Variants in FBN2 observed in about 807,000 individuals in gnomAD.
FBN2 encodes fibrillin-2.
Under a neutral mutation model 355.6 loss-of-function variants are expected in FBN2, and 105 were observed. That is an observed-to-expected ratio of 0.30 (90% CI 0.25 to 0.35). The LOEUF is 0.35. FBN2 is among the 10% of genes least tolerant of loss of function. The pLI, the probability that FBN2 is intolerant of heterozygous loss-of-function variation, is 1.00. For missense variants in FBN2, 3,280 were observed against 3,758.7 expected (o/e 0.87, Z 3.33); for synonymous variants, 1,350 against 1,301.2 (o/e 1.04, Z -0.81).
chr5:128,421,556 A>T (rs1753350577), intron 7 of FBN2, among the ~76,000 whole-genome samples: 1 of 152,200 alleles, frequency 6.6e-6, no homozygotes, highest in South Asian at 2.1e-4. Context: ...TTGACTGTCT[A>T]GAGTAAGTCT....
At chr5:128,463,530 T>C (rs1754614860) in intron 6 of FBN2, among the ~76,000 whole-genome samples, 1 of 152,194 alleles carries the variant, frequency 6.6e-6, no homozygotes, top group African/African-American at 2.4e-5. Context: ...AAAATGATTT[T>C]AGAAATAGAC....
In FBN2 at chr5:128,259,532, C is replaced by T; in HGVS notation, c.8662G>A (p.Glu2888Lys). ...AGGAGGTAGTCATCCTCATTGCTCT[C>T]TTCCAGTTTCTTAAGCTCCTTCTTC... is the stretch of plus-strand genomic sequence containing the variant. ...YKKKELKKLEESNEDDYLLGE... is the reference protein window; with the variant it reads ...YKKKELKKLEKSNEDDYLLGE... Residue 2888 changes from glutamate (E) to lysine (K), a missense_variant, in exon 65 of 65, where the codon GAG becomes AAG. By Grantham distance (56) the Glu-to-Lys change is moderately conservative. Transcript: ENST00000262464. The T allele has an allele frequency of 6.2e-7, 1 of 1,614,080 alleles. No homozygotes were observed. Among genetic ancestry groups the T allele is most frequent in the Non-Finnish European group, 8.5e-7 (1 of 1,180,012 alleles).
At chr5:128,363,416 C>T (rs1241527670) in intron 18 of FBN2, among the ~76,000 whole-genome samples, 1 of 152,118 alleles carries the variant, frequency 6.6e-6, no homozygotes, top group Non-Finnish European at 1.5e-5. Flanking sequence ...TCTCAAACTC[C>T]TAACCTCAGG....
chr5:128,350,525 TG>T (rs1751323285), intron 21 of FBN2, among the ~76,000 whole-genome samples: 1 of 152,196 alleles, frequency 6.6e-6, no homozygotes, highest in African/African-American at 2.4e-5. Flanking sequence ...CACTCCAGCC[TG>T]GTGACAGAGC....
At chr5:128,474,821 G>A (rs1017976350) in intron 5 of FBN2, among the ~76,000 whole-genome samples, 4 of 152,168 alleles carry the variant, frequency 2.6e-5, no homozygotes, top group African/African-American at 9.7e-5. Flanking sequence ...CTAAGCAACT[G>A]TGCTGAGATT....
chr5:128,486,288 C>T (rs571763362), intron 5 of FBN2, among the ~76,000 whole-genome samples: 1 of 152,188 alleles, frequency 6.6e-6, no homozygotes, highest in South Asian at 2.1e-4. Context: ...TAATGACATC[C>T]CATGCCACTG....
chr5:128,376,927 C>T (rs553671796), intron 13 of FBN2, 74 bp from the exon 14 acceptor site: 6 of 1,580,388 alleles, frequency 3.8e-6, no homozygotes, highest in East Asian at 2.2e-5. Flanking sequence ...ATAAACAACC[C>T]CCAGTCAAAT....
At chr5:128,362,004 AT>A (rs1751651816) in intron 18 of FBN2, among the ~76,000 whole-genome samples, 156 bp from the exon 19 acceptor site, 2 of 152,188 alleles carry the variant, frequency 1.3e-5, no homozygotes, top group Non-Finnish European at 2.9e-5. Context: ...AGCAAAATAT[AT>A]TTAGTTTTAT....
intron 34 of FBN2, among the ~76,000 whole-genome samples, chr5:128,327,788 G>A (rs540488686): frequency 6.6e-6 from 1 of 152,192 alleles, no homozygotes; most frequent in African/African-American, 2.4e-5. Flanking sequence ...ACAGGCATGA[G>A]CCACCATACC....
At chr5:128,503,604 CCT>C (rs1288854751) in intron 5 of FBN2, among the ~76,000 whole-genome samples, 1 of 152,058 alleles carries the variant, frequency 6.6e-6, no homozygotes, top group African/African-American at 2.4e-5. Context: ...GCATTTTGCC[CCT>C]GTCCTAGAGG....
chr5:128,276,061 T>G lies in FBN2; in HGVS notation c.7571A>C (p.Gln2524Pro). ...QCSCPRGYVLQEDGKTCKDLD... is the reference protein window; with the variant it reads ...QCSCPRGYVLPEDGKTCKDLD... Reference sequence around the variant, plus strand: ...ACCTTTGCATGTCTTTCCATCCTCTTGCAGGACATACCCCCTCGGACATGA... The same window carrying G: ...ACCTTTGCATGTCTTTCCATCCTCTGGCAGGACATACCCCCTCGGACATGA... Residue 2524 changes from glutamine to proline, a missense_variant, in exon 59 of 65, where the codon CAA (glutamine) becomes CCA (proline). Physicochemically the swap from Gln to Pro is moderately conservative, Grantham distance 76. Transcript: ENST00000262464. 4 of 1,613,870 alleles carry G rather than the reference T, an allele frequency of 2.5e-6. No individual in the cohort carries two copies. Among genetic ancestry groups the G allele is most frequent in the Non-Finnish European group, 3.4e-6 (4 of 1,179,792 alleles).
Position 128,350,891 on chromosome 5 carries a change from C to G in FBN2, c.2789G>C (p.Ser930Thr). 6.2e-7 allele frequency: 1 copy of G among 1,614,172 alleles called. No homozygotes were observed. The highest frequency in any genetic ancestry group is 1.1e-5 in the South Asian group (1 of 91,080). The change falls in exon 21 of 65, where the codon AGC (serine) becomes ACC (threonine). Residue 930 changes from serine (S) to threonine (T), a missense_variant. Physicochemically the swap from Ser to Thr is moderately conservative, Grantham distance 58 (BLOSUM62 1). Around this residue, in one of 6 missense-constraint regions of FBN2, gnomAD observed 2,284 missense variants for 2,749.5 expected, o/e 0.83. Transcript: ENST00000262464. ...ACCTAGTTCACACCGCTCACAGGGG[C>G]TCCCCCAGGCGGCTCCGAGGGTGGC... Reference protein sequence around the residue: ...CCATLGAAWGSPCERCELDTA... With the variant: ...CCATLGAAWGTPCERCELDTA...
intron 35 of FBN2, among the ~76,000 whole-genome samples, 159 bp from the exon 36 acceptor site, chr5:128,318,430 C>T (rs1750271135): frequency 6.6e-6 from 1 of 152,050 alleles, no homozygotes; most frequent in Admixed American, 6.6e-5. Flanking sequence ...TTGGTATATA[C>T]CTAAAACAGG....
intron 27 of FBN2, 148 bp from the exon 28 acceptor site, chr5:128,336,261 G>A: frequency 2.5e-6 from 2 of 803,110 alleles, no homozygotes; most frequent in Non-Finnish European, 2.1e-6. Context: ...GAAAGAAAAT[G>A]CTGGATTCTC....
Position 128,306,648 on chromosome 5 carries a change from A to G in FBN2, c.5422+487T>C, listed in dbSNP as rs373157556. ...AAAAAAAAAAATTATATTGCTTATCAAATCTTTGAGGAAGGAAGCTAGAGT... is the reference window on the plus strand; with the variant it reads ...AAAAAAAAAAATTATATTGCTTATCGAATCTTTGAGGAAGGAAGCTAGAGT... On this transcript the variant is annotated intron_variant, in intron 42 of 64. Coordinates refer to ENST00000262464, the MANE Select transcript of FBN2 (RefSeq NM_001999.4). Among the ~76,000 whole-genome samples, 31 of 152,246 alleles carry G rather than the reference A, an allele frequency of 2.0e-4. 1 individual carries two copies. The highest frequency in any genetic ancestry group is 4.8e-4 in the African/African-American group (20 of 41,544).
chr5:128,395,201 C>G lies in FBN2; in HGVS notation c.1152G>C (p.Thr384=). Reference sequence around the variant, plus strand: ...CAGGCTCACAGCAGCACTGCATTTTCGTCATTCTCCCCGGGAGCTCTTGTG... The same window carrying G: ...CAGGCTCACAGCAGCACTGCATTTTGGTCATTCTCCCCGGGAGCTCTTGTG... ...RCAQELPGRM[T]KMQCCCEPGR... The change falls in exon 9 of 65, where the codon ACG becomes ACC. Residue 384 remains threonine, a synonymous_variant. Coordinates refer to ENST00000262464, the MANE Select transcript of FBN2 (RefSeq NM_001999.4). The G allele has an allele frequency of 6.2e-7, 1 of 1,614,052 alleles. No individual in the cohort carries two copies. Among genetic ancestry groups the G allele is most frequent in the East Asian group, 2.2e-5 (1 of 44,854 alleles).
At chr5:128,471,957 T>G (rs536528132) in intron 5 of FBN2, among the ~76,000 whole-genome samples, 9 of 152,332 alleles carry the variant, frequency 5.9e-5, no homozygotes, top group African/African-American at 2.2e-4. Flanking sequence ...ATGGAGTTAT[T>G]TCATAAACTA....
intron 4 of FBN2, among the ~76,000 whole-genome samples, chr5:128,525,798 T>C (rs1756544990): frequency 6.6e-6 from 1 of 152,194 alleles, no homozygotes; most frequent in Non-Finnish European, 1.5e-5. Flanking sequence ...ATTTTGACAC[T>C]TTTAAGTAGT....
chr5:128,281,959 G>C (rs1332935937), intron 55 of FBN2, among the ~76,000 whole-genome samples: 1 of 151,980 alleles, frequency 6.6e-6, no homozygotes, highest in Non-Finnish European at 1.5e-5. Flanking sequence ...CAAAGTGCTG[G>C]GATTACAGGT....
Sources: allele counts gnomAD v4.1 joint callset (sites outside exome capture counted in the v4.1 genomes callset), GRCh38; gene constraint gnomAD v4.1.1; regional missense constraint gnomAD v4.1.1; transcripts MANE v1.5; gene names NCBI Gene and HGNC (gene_info 2026-07-23, HGNC 2026-07-21).